ESRRB: variants seen among roughly 807,000 people sequenced by gnomAD.
ESRRB encodes estrogen related receptor beta, also known as steroid hormone receptor ERR2.
In ESRRB, 16 loss-of-function variants were observed where a neutral mutation model predicts 46.0. The observed-to-expected ratio is 0.35, with a 90% CI of 0.24 to 0.53. The LOEUF (loss-of-function observed/expected upper bound fraction) is 0.53. ESRRB is among the 20% of genes least tolerant of loss of function. ESRRB has a pLI of 0.93. For missense variants in ESRRB, 488 were observed against 607.4 expected, an observed-to-expected ratio of 0.80 and a Z score of 2.07; for synonymous variants, 246 against 259.6, an observed-to-expected ratio of 0.95 and a Z score of 0.50.
intron 1 of ESRRB, among the ~76,000 whole-genome samples, chr14:76,410,964 C>T (rs1886410915): frequency 6.6e-6 from 1 of 150,876 alleles, no homozygotes; most frequent in African/African-American, 2.4e-5. Context: ...TTGTATTTTT[C>T]GCAGAGACGG....
At chr14:76,353,972 TAAAGA>T (rs1472572758) in intron 1 of ESRRB, among the ~76,000 whole-genome samples, 1 of 151,748 alleles carries the variant, frequency 6.6e-6, no homozygotes, top group Non-Finnish European at 1.5e-5. Flanking sequence ...AAAATAAAAA[TAAAGA>T]AAAGAAAAGA....
chr14:76,342,224 T>G (rs1884199749), intron 1 of ESRRB, among the ~76,000 whole-genome samples: 1 of 150,892 alleles, frequency 6.6e-6, no homozygotes, highest in Admixed American at 6.6e-5. Context: ...CAGGAAGGAG[T>G]CAGCACAATG....
At position 76,498,355 on chromosome 14, in the gene ESRRB, G is replaced by T; in HGVS notation, c.1262G>T (p.Arg421Leu). Residue 421 changes from arginine (R) to leucine (L), a missense_variant, in exon 7 of 7, where the codon CGG becomes CTG. By Grantham distance (102) the Arg-to-Leu change is moderately radical (BLOSUM62 -2). Coordinates refer to ENST00000644823, the MANE Select transcript of ESRRB (RefSeq NM_001379180.1). ...CTGCTGCTGACACTGCCGCTGCTGC[G>T]GCAGACGGCCGCCAAGGCCGTGCAG... is the stretch of plus-strand genomic sequence containing the variant. ...GKLLLTLPLLRQTAAKAVQHF... is the reference protein window; with the variant it reads ...GKLLLTLPLLLQTAAKAVQHF... 1.9e-6 allele frequency: 3 copies of T among 1,612,048 alleles called. No individual in the cohort carries two copies. The highest frequency in any genetic ancestry group is 2.5e-6 in the Non-Finnish European group (3 of 1,179,506).
chr14:76,481,571 C>A (rs141467722), intron 3 of ESRRB, among the ~76,000 whole-genome samples: 16 of 152,348 alleles, frequency 1.1e-4, no homozygotes, highest in African/African-American at 3.8e-4. Context: ...ATGAGCGCCT[C>A]CTCAGATGCT....
chr14:76,473,889 T>C (rs1180154960), intron 3 of ESRRB, among the ~76,000 whole-genome samples: 1 of 152,210 alleles, frequency 6.6e-6, no homozygotes, highest in Non-Finnish European at 1.5e-5. Context: ...AAGGAGTTTC[T>C]GTCCCAGAGT....
At chr14:76,480,584 C>G (rs1239813632) in intron 3 of ESRRB, among the ~76,000 whole-genome samples, 4 of 152,246 alleles carry the variant, frequency 2.6e-5, no homozygotes. Context: ...TGAATGGGCT[C>G]TAAATCATCA....
intron 1 of ESRRB, among the ~76,000 whole-genome samples, chr14:76,396,414 T>A (rs1197354167): frequency 2.0e-5 from 3 of 152,194 alleles, no homozygotes; most frequent in Admixed American, 1.3e-4. Context: ...CTGTAGGGAA[T>A]GGGCTTAAGA....
chr14:76,397,588 T>C (rs1885745933), intron 1 of ESRRB, among the ~76,000 whole-genome samples: 1 of 152,044 alleles, frequency 6.6e-6, no homozygotes, highest in Non-Finnish European at 1.5e-5. Context: ...TTGGACAAAA[T>C]TTGGGCAAAA....
At chr14:76,350,505 A>T (rs567448266) in intron 1 of ESRRB, among the ~76,000 whole-genome samples, 4 of 152,324 alleles carry the variant, frequency 2.6e-5, no homozygotes, top group African/African-American at 9.6e-5. Context: ...CCAGGGCCCC[A>T]ACCTACCAGG....
In ESRRB at chr14:76,482,813, C is replaced by G; in HGVS notation, c.850+54C>G. 6.2e-7 allele frequency: 1 copy of G among 1,603,640 alleles called. No individual in the cohort carries two copies. The highest frequency in any genetic ancestry group is 8.5e-7 in the Non-Finnish European group (1 of 1,173,620). ...GGCCAGGGACTCTCAGCCGGTATCT[C>G]CGCAGCCTACCCAATGGCTGTGCTT... is the stretch of plus-strand genomic sequence containing the variant. On this transcript the variant is annotated intron_variant, in intron 5 of 6. Transcript: ENST00000644823. The surrounding 1 kb of genome is among the most constrained non-coding windows in gnomAD (Gnocchi z 4.3).
At chr14:76,339,256 C>T (rs1024746830) in intron 1 of ESRRB, among the ~76,000 whole-genome samples, 1 of 152,194 alleles carries the variant, frequency 6.6e-6, no homozygotes, top group South Asian at 2.1e-4. Flanking sequence ...ATCGTCAGGT[C>T]CTCCACGCTT....
chr14:76,368,448 T>C (rs1280432403), upstream of ESRRB, among the ~76,000 whole-genome samples: 1 of 152,194 alleles, frequency 6.6e-6, no homozygotes, highest in East Asian at 1.9e-4. Flanking sequence ...TAATGTGCTA[T>C]CGGTTCTGAC....
At chr14:76,454,514 G>T (rs887733778) in intron 2 of ESRRB, among the ~76,000 whole-genome samples, 2 of 152,200 alleles carry the variant, frequency 1.3e-5, no homozygotes, top group Non-Finnish European at 2.9e-5. Flanking sequence ...CCATGTGAGA[G>T]CTGTGGCTCC....
intron 6 of ESRRB, among the ~76,000 whole-genome samples, chr14:76,493,036 T>A (rs1369385252): frequency 6.6e-6 from 1 of 152,208 alleles, no homozygotes; most frequent in Non-Finnish European, 1.5e-5. Context: ...CAGGTCTGGG[T>A]CAGATAGACC....
chr14:76,468,398 C>G lies in ESRRB; in HGVS notation c.577+5737C>G, dbSNP rs899657434. ...TACATTCTACACACACTGCCCCCCC[C>G]CCAACACCACCACCCCCCAAACACG... On this transcript the variant is annotated intron_variant, in intron 3 of 6. Coordinates refer to ENST00000644823, the MANE Select transcript of ESRRB (RefSeq NM_001379180.1). Among the ~76,000 whole-genome samples the G allele has an allele frequency of 1.7e-3, 184 of 109,446 alleles. 1 individual carries two copies. Among genetic ancestry groups the G allele is most frequent in the African/African-American group, 6.3e-3 (173 of 27,248 alleles). The allele number at this position is 109,446 out of a possible 152,430, so 71.8% of individuals were successfully genotyped here. A position where few individuals can be genotyped will look rare whatever the true frequency, so the allele number is the denominator to read the frequency against.
intron 1 of ESRRB, among the ~76,000 whole-genome samples, chr14:76,332,796 AT>A (rs374069232): frequency 6.1e-4 from 7 of 11,568 alleles, no homozygotes; most frequent in Non-Finnish European, 7.0e-4. Flanking sequence ...ATATAAATAT[AT>A]AATATATTTA....
chr14:76,484,317 C>T (rs1205392897), intron 5 of ESRRB, among the ~76,000 whole-genome samples: 3 of 151,964 alleles, frequency 2.0e-5, no homozygotes, highest in African/African-American at 7.3e-5. Flanking sequence ...CCTGGGCATT[C>T]TGACCAGGGA....
At chr14:76,384,388 T>A (rs956591586) in intron 1 of ESRRB, among the ~76,000 whole-genome samples, 2 of 152,192 alleles carry the variant, frequency 1.3e-5, no homozygotes, top group African/African-American at 4.8e-5. Flanking sequence ...AGTAGCTGGA[T>A]GAGGGTGACC....
chr14:76,404,359 T>C (rs1001623647), intron 1 of ESRRB: 4 of 149,102 alleles, frequency 2.7e-5, no homozygotes, highest in African/African-American at 9.8e-5. Flanking sequence ...TTATATAATA[T>C]TATATAATAT....
Sources: gnomAD v4.1 joint callset for allele counts (sites outside exome capture counted in the v4.1 genomes callset) on GRCh38, gnomAD v4.1.1 for gene constraint, Gnocchi (gnomAD v3.1) non-coding constraint, MANE v1.5 for transcripts, NCBI Gene and HGNC (gene_info 2026-07-23, HGNC 2026-07-21) for gene names.